Variants in ABCA8 observed in about 807,000 individuals in gnomAD.
The protein encoded by ABCA8 is ATP binding cassette subfamily A member 8, also known as ABC-type organic anion transporter ABCA8.
ABCA8 carries 177 observed loss-of-function variants against 192.3 expected under a neutral mutation model. The ratio of observed to expected loss-of-function variants is 0.92; its 90% CI spans 0.81 to 1.04. ABCA8 has a LOEUF of 1.04. Ranked by LOEUF, ABCA8 falls within the 50% of genes least tolerant of loss-of-function variation. The pLI, the probability that ABCA8 is intolerant of heterozygous loss-of-function variation, is 0.00. For synonymous variants in ABCA8, 642 were observed against 690.2 expected, an observed-to-expected ratio of 0.93 and a Z score of 1.09; for missense variants, 1,915 against 1,904.8, an observed-to-expected ratio of 1.01 and a Z score of -0.10.
At chr17:68,885,467 A>G (rs2066433535) in intron 26 of ABCA8, 152 bp from the exon 27 acceptor site, 9 of 711,770 alleles carry the variant, frequency 1.3e-5, no homozygotes, top group Admixed American at 1.0e-4. Context: ...TATTTTAGTG[A>G]CTTAGCCAAA....
intron 18 of ABCA8, 40 bp from the exon 19 acceptor site, chr17:68,906,203 C>T (rs753772235): frequency 2.1e-6 from 3 of 1,413,608 alleles, no homozygotes; most frequent in Middle Eastern, 3.8e-4. Flanking sequence ...AAACAAGAAT[C>T]ACAAGTGAAC....
Position 68,907,721 on chromosome 17 carries a change from C to A in ABCA8, c.2278+19G>T. The A allele has an allele frequency of 6.5e-7, 1 of 1,545,996 alleles. No homozygotes were observed. Among genetic ancestry groups the A allele is most frequent in the South Asian group, 1.3e-5 (1 of 78,520 alleles). On this transcript the variant is annotated intron_variant, in intron 18 of 39. Coordinates refer to ENST00000586539, the MANE Select transcript of ABCA8 (RefSeq NM_001288985.2). ...ACTATTATTCACATATTTTATTTCA[C>A]AGTGTTCATGCACATTACCTGGAAA...
At chr17:68,929,312 A>G (rs1179893795) in intron 8 of ABCA8, 78 bp from the exon 9 acceptor site, 1 of 1,247,162 alleles carries the variant, frequency 8.0e-7, no homozygotes, top group Non-Finnish European at 1.1e-6. Flanking sequence ...ATACAAAATT[A>G]TAGTTATTTT....
rs748360515 is a variant in ABCA8, at chr17:68,902,879, C to T, written c.2598G>A (p.Leu866=). 6.2e-7 allele frequency: 1 copy of T among 1,605,950 alleles called. No individual in the cohort carries two copies. The highest frequency in any genetic ancestry group is 1.1e-5 in the South Asian group (1 of 89,852). The change falls in exon 21 of 40, where the codon CTG becomes CTA. Residue 866 remains leucine, a splice_region_variant and synonymous_variant. Coordinates refer to ENST00000586539, the MANE Select transcript of ABCA8 (RefSeq NM_001288985.2). ...AAAATCCAGCCATTAGAATTAATAG[C>T]CTACACAAAAGAAAATTGCCAAAAT... The part of the protein sequence containing the change: ...LKHERKALLA[L]LLILMAGFCP...
At chr17:68,922,861 T>C (rs1434890390) in intron 11 of ABCA8, among the ~76,000 whole-genome samples, 1 of 152,206 alleles carries the variant, frequency 6.6e-6, no homozygotes, top group African/African-American at 2.4e-5. Context: ...ACCAACGTAC[T>C]TATTCCAGAT....
intron 31 of ABCA8, among the ~76,000 whole-genome samples, chr17:68,881,541 A>G (rs145464419): frequency 3.9e-4 from 60 of 152,380 alleles, no homozygotes; most frequent in African/African-American, 1.3e-3. Flanking sequence ...CCAAGCCTTC[A>G]GAGTGTGCTA....
In ABCA8 at chr17:68,927,991, C is replaced by T; in HGVS notation, c.1198G>A (p.Ala400Thr). ...HPSDGSNLIV[A>T]TNFMLAFDTC... ...TCAAATGCCAACATGAAATTTGTTGCTACAATGAGATTTGAGCCGTCCGAT... is the reference window on the plus strand; with the variant it reads ...TCAAATGCCAACATGAAATTTGTTGTTACAATGAGATTTGAGCCGTCCGAT... The change falls in exon 10 of 40, where the codon GCA becomes ACA. Residue 400 changes from alanine to threonine, a missense_variant. Coordinates refer to ENST00000586539, the MANE Select transcript of ABCA8 (RefSeq NM_001288985.2). 1.2e-6 allele frequency: 2 copies of T among 1,608,304 alleles called. No homozygotes were observed. Among genetic ancestry groups the T allele is most frequent in the South Asian group, 1.1e-5 (1 of 89,380 alleles).
chr17:68,903,218 T>G (rs2066960006), intron 20 of ABCA8, 83 bp downstream of exon 20: 2 of 1,433,362 alleles, frequency 1.4e-6, no homozygotes, highest in Non-Finnish European at 1.9e-6. Flanking sequence ...TATCTTTGTG[T>G]TTTTTTGCTT....
intron 23 of ABCA8, among the ~76,000 whole-genome samples, chr17:68,892,317 T>C (rs796578911): frequency 6.6e-6 from 1 of 152,308 alleles, no homozygotes; most frequent in South Asian, 2.1e-4. Context: ...GGTAAGGTTA[T>C]AGCTTATTGT....
intron 7 of ABCA8, 152 bp from the exon 8 acceptor site, chr17:68,929,854 A>G (rs1231096832): frequency 5.5e-6 from 4 of 733,422 alleles, no homozygotes; most frequent in African/African-American, 5.3e-5. Context: ...ATATATAAAT[A>G]CAAGGTAAAA....
At chr17:68,923,121 G>A (rs995672828) in intron 11 of ABCA8, among the ~76,000 whole-genome samples, 1 of 151,616 alleles carries the variant, frequency 6.6e-6, no homozygotes, top group Non-Finnish European at 1.5e-5. Flanking sequence ...TCAAATTTAT[G>A]TTTCTTATTT....
At chr17:68,883,685 C>T (rs1377323289) in intron 29 of ABCA8, 106 bp downstream of exon 29, 5 of 690,766 alleles carry the variant, frequency 7.2e-6, no homozygotes, top group Non-Finnish European at 1.2e-5. Flanking sequence ...CCTACTCCAG[C>T]CTATCCTAGC....
At chr17:68,918,866 G>A (rs1056473579) in intron 14 of ABCA8, among the ~76,000 whole-genome samples, 3 of 140,252 alleles carry the variant, frequency 2.1e-5, no homozygotes, top group African/African-American at 8.1e-5. Context: ...GGAGGCAAAT[G>A]TTACAGTGAG....
chr17:68,915,483 C>T (rs142269517), intron 17 of ABCA8, among the ~76,000 whole-genome samples: 192 of 151,862 alleles, frequency 1.3e-3, no homozygotes, highest in African/African-American at 4.6e-3. Context: ...TAGATAGTTC[C>T]CAAAAGAAGA....
At position 68,876,450 on chromosome 17, in the gene ABCA8, T is replaced by G; in HGVS notation, c.4370+10A>C. The stretch of plus-strand genomic sequence containing the variant: ...TCCGTGCTGTCCCTGACCGTGGTAA[T>G]GTTCCTCACCACATTTGCTGCTGCC... On this transcript the variant is annotated intron_variant, in intron 35 of 39. Transcript: ENST00000586539. 6.2e-7 allele frequency: 1 copy of G among 1,613,982 alleles called. No individual in the cohort carries two copies. Among genetic ancestry groups the G allele is most frequent in the Non-Finnish European group, 8.5e-7 (1 of 1,179,868 alleles).
chr17:68,940,239 T>C (rs2068187756), intron 4 of ABCA8, among the ~76,000 whole-genome samples: 1 of 152,052 alleles, frequency 6.6e-6, no homozygotes, highest in Non-Finnish European at 1.5e-5. Flanking sequence ...AGGATGAAAA[T>C]CTGAAATACA....
In ABCA8 at chr17:68,894,275, T is replaced by C; in HGVS notation, c.2934A>G (p.Arg978=). ...CCATAAGAACTGGGAAGCAATTCAA[T>C]CTTTTGGCATTGCATGCTAACGAAA... ...YSFSLACNAK[R]LNCFPVLMDI... The change falls in exon 23 of 40, where the codon AGA becomes AGG. Residue 978 remains arginine (R), a synonymous_variant. Coordinates refer to ENST00000586539, the MANE Select transcript of ABCA8 (RefSeq NM_001288985.2). The C allele has an allele frequency of 6.2e-7, 1 of 1,611,622 alleles. No individual in the cohort carries two copies. Among genetic ancestry groups the C allele is most frequent in the Non-Finnish European group, 8.5e-7 (1 of 1,179,460 alleles).
At chr17:68,877,045 C>T (rs777707346) in intron 33 of ABCA8, among the ~76,000 whole-genome samples, 10 of 151,996 alleles carry the variant, frequency 6.6e-5, no homozygotes, top group African/African-American at 1.2e-4. Context: ...ACTCTATCCC[C>T]GAGGCTGGAG....
intron 14 of ABCA8, 56 bp downstream of exon 14, chr17:68,919,245 A>C (rs530403987): frequency 6.9e-7 from 1 of 1,448,468 alleles, no homozygotes; most frequent in East Asian, 2.3e-5. Context: ...ACTCAGTGCA[A>C]ATGGTTTTAA....
Sources: gnomAD v4.1 joint callset for allele counts (sites outside exome capture counted in the v4.1 genomes callset) on GRCh38, gnomAD v4.1.1 for gene constraint, MANE v1.5 for transcripts, NCBI Gene and HGNC (gene_info 2026-07-23, HGNC 2026-07-21) for gene names.